MTHFD2L: variants seen among roughly 807,000 people sequenced by gnomAD.
MTHFD2L encodes the protein methylenetetrahydrofolate dehydrogenase (NADP+ dependent) 2 like.
In MTHFD2L, 29 loss-of-function variants were observed where a neutral mutation model predicts 34.9. That is an observed-to-expected ratio of 0.83 (90% confidence interval 0.62 to 1.13). The LOEUF (loss-of-function observed/expected upper bound fraction) is 1.13, where lower values mean the gene tolerates loss of function less well. Among genes scored for constraint, MTHFD2L ranks in the 50% most tolerant of loss-of-function variants. MTHFD2L has a pLI of 0.00. For synonymous variants in MTHFD2L, 167 were observed against 155.7 expected, an observed-to-expected ratio of 1.07 and a Z score of -0.54; for missense variants, 481 against 446.5, an observed-to-expected ratio of 1.08 and a Z score of -0.70.
In MTHFD2L at chr4:74,199,868, A is replaced by G; in HGVS notation, c.526A>G (p.Ile176Val). The G allele has an allele frequency of 2.5e-6, 4 of 1,613,936 alleles. No homozygotes were observed. Among genetic ancestry groups the G allele is most frequent in the Non-Finnish European group, 3.4e-6 (4 of 1,179,870 alleles). ...TGTAGATGGATTTCATATTATCAAT[A>G]TTGGAAGATTGTGCCTTGATCAGCA... ...KDVDGFHIIN[I>V]GRLCLDQHSL... The change falls in exon 4 of 8, where the codon ATT becomes GTT. Residue 176 changes from isoleucine (I) to valine (V), a missense_variant. Coordinates refer to ENST00000325278, the MANE Select transcript of MTHFD2L (RefSeq NM_001144978.3).
chr4:74,274,689 G>C (rs184773491), intron 6 of MTHFD2L, among the ~76,000 whole-genome samples: 194 of 152,278 alleles, frequency 1.3e-3, no homozygotes, highest in African/African-American at 4.4e-3. Context: ...TAGTAGCAGT[G>C]GTATGCTGAA....
At chr4:74,254,274 TC>T (rs1743699878) in intron 6 of MTHFD2L, among the ~76,000 whole-genome samples, 1 of 152,152 alleles carries the variant, frequency 6.6e-6, no homozygotes, top group Non-Finnish European at 1.5e-5. Flanking sequence ...GCATTCAGCT[TC>T]ATGAAGCCCT....
chr4:74,160,334 G>A, intron 1 of MTHFD2L: 1 of 199,372 alleles, frequency 5.0e-6, no homozygotes, highest in East Asian at 1.4e-4. Flanking sequence ...GAGCTGTGTA[G>A]GGCCTTAATT....
At chr4:74,204,443 TTAA>T (rs1426905301) in intron 5 of MTHFD2L, among the ~76,000 whole-genome samples, 1 of 152,178 alleles carries the variant, frequency 6.6e-6, no homozygotes, top group East Asian at 1.9e-4. Flanking sequence ...TGATCTGAGA[TTAA>T]TGATGTGATT....
intron 3 of MTHFD2L, among the ~76,000 whole-genome samples, chr4:74,197,547 C>T (rs1733698648): frequency 6.6e-6 from 1 of 151,870 alleles, no homozygotes; most frequent in South Asian, 2.1e-4. Flanking sequence ...GGAGGGAGGC[C>T]TCTGTGATTT....
intron 5 of MTHFD2L, among the ~76,000 whole-genome samples, chr4:74,208,614 G>A (rs535017876): frequency 6.6e-6 from 1 of 152,224 alleles, no homozygotes; most frequent in East Asian, 1.9e-4. Flanking sequence ...GAGAAAAATG[G>A]AATTTATTGG....
intron 5 of MTHFD2L, among the ~76,000 whole-genome samples, chr4:74,215,140 C>G (rs1434545537): frequency 1.3e-5 from 2 of 151,748 alleles, no homozygotes; most frequent in Non-Finnish European, 2.9e-5. Flanking sequence ...TTGCTGGGCT[C>G]TGTAGGGTGG....
intron 1 of MTHFD2L, among the ~76,000 whole-genome samples, chr4:74,172,648 C>T (rs956408143): frequency 1.3e-5 from 2 of 152,154 alleles, no homozygotes; most frequent in Non-Finnish European, 2.9e-5. Context: ...ATGCAGATTT[C>T]CAGGTTTTTC....
upstream of MTHFD2L, among the ~76,000 whole-genome samples, chr4:74,122,764 C>T (rs992673327): frequency 6.6e-6 from 1 of 152,144 alleles, no homozygotes; most frequent in African/African-American, 2.4e-5. Context: ...ATCCATTTAT[C>T]CACCCATAAC....
chr4:74,270,725 A>G (rs938485494), intron 6 of MTHFD2L, among the ~76,000 whole-genome samples: 3 of 152,208 alleles, frequency 2.0e-5, no homozygotes, highest in African/African-American at 7.2e-5. Context: ...TTCTAGTTCT[A>G]GATACCTGAG....
chr4:74,300,648 A>G (rs139735898), intron 7 of MTHFD2L, among the ~76,000 whole-genome samples: 1 of 152,194 alleles, frequency 6.6e-6, no homozygotes, highest in African/African-American at 2.4e-5. Flanking sequence ...AAATGAATGC[A>G]GTAAGTCATT....
intron 6 of MTHFD2L, among the ~76,000 whole-genome samples, chr4:74,234,419 C>T (rs536278150): frequency 2.0e-5 from 3 of 152,078 alleles, no homozygotes; most frequent in African/African-American, 7.2e-5. Flanking sequence ...TTCAAGTTTG[C>T]CCATGCTAAT....
At chr4:74,241,064 A>T (rs957749366) in intron 6 of MTHFD2L, among the ~76,000 whole-genome samples, 1 of 152,170 alleles carries the variant, frequency 6.6e-6, no homozygotes, top group Non-Finnish European at 1.5e-5. Context: ...TCATTTCCAT[A>T]TATGTAGTAT....
rs566110917 is a variant in MTHFD2L at position 74,131,580 on chromosome 4, A to G, written c.-297+6063A>G. Among the ~76,000 whole-genome samples the G allele has an allele frequency of 2.6e-5, 4 of 152,276 alleles. No homozygotes were observed. The South Asian group carries it at 8.3e-4, about 32-fold the overall frequency. ...TTCCTCACACCTTAAACAAAAATTA[A>G]CTCAAGATGGATTAAATACTTAAAC... is the stretch of plus-strand genomic sequence containing the variant. On this transcript the variant is annotated intron_variant, in intron 1 of 7. Coordinates refer to the MTHFD2L transcript ENST00000433372.
At chr4:74,281,604 C>A in intron 7 of MTHFD2L, 54 bp downstream of exon 7, 2 of 1,523,576 alleles carry the variant, frequency 1.3e-6, no homozygotes, top group South Asian at 1.3e-5. Context: ...TTCCACCTTA[C>A]GTATTTTAAA....
intron 1 of MTHFD2L, chr4:74,140,444 A>G: frequency 2.3e-6 from 1 of 443,622 alleles, no homozygotes; most frequent in Admixed American, 6.4e-5. Flanking sequence ...TAATTAATTA[A>G]CTTAATCCAC....
intron 6 of MTHFD2L, among the ~76,000 whole-genome samples, chr4:74,259,009 A>G (rs1279650049): frequency 1.3e-5 from 2 of 152,220 alleles, no homozygotes; most frequent in Admixed American, 1.3e-4. Flanking sequence ...TTACTCAAGA[A>G]ATTCTACTAA....
intron 1 of MTHFD2L, among the ~76,000 whole-genome samples, chr4:74,150,758 T>G (rs1723883886): frequency 6.6e-6 from 1 of 152,150 alleles, no homozygotes; most frequent in Admixed American, 6.5e-5. Flanking sequence ...GGTATACATG[T>G]GTATATGTAT....
upstream of MTHFD2L, among the ~76,000 whole-genome samples, chr4:74,155,647 CAAAT>C (rs550124604): frequency 9.9e-5 from 15 of 152,018 alleles, no homozygotes; most frequent in South Asian, 3.1e-3. Flanking sequence ...AATCTGTTAA[CAAAT>C]GAATGTCTGC....
Sources: gnomAD v4.1 joint callset for allele counts (sites outside exome capture counted in the v4.1 genomes callset) on GRCh38, gnomAD v4.1.1 for gene constraint, MANE v1.5 for transcripts, NCBI Gene and HGNC (gene_info 2026-07-23, HGNC 2026-07-21) for gene names.